VEPH1: variants seen among roughly 807,000 people sequenced by gnomAD.
VEPH1 encodes the protein ventricular zone-expressed PH domain-containing protein homolog 1.
A neutral mutation model predicts 85.2 loss-of-function variants in VEPH1; 80 were observed. The observed-to-expected ratio is 0.94, with a 90% CI of 0.78 to 1.13. The LOEUF is 1.13. Ranked by LOEUF, VEPH1 falls within the 50% of genes most tolerant of loss-of-function variation. The pLI is 0.00. For missense variants in VEPH1, 955 were observed against 980.5 expected (o/e 0.97, Z 0.35); for synonymous variants, 297 against 348.0 (o/e 0.85, Z 1.63).
At chr3:157,493,727 A>G (rs1824057) in intron 2 of VEPH1, among the ~76,000 whole-genome samples, 1,867 of 152,332 alleles carry the variant, frequency 0.012, 37 homozygotes, top group African/African-American at 0.039. Flanking sequence ...GTGGAGTTAT[A>G]TAATAGAACT....
chr3:157,262,022 C>T (rs150000278), intron 13 of VEPH1, among the ~76,000 whole-genome samples: 7 of 152,184 alleles, frequency 4.6e-5, no homozygotes, highest in African/African-American at 1.7e-4. Flanking sequence ...AGGTCTTTCA[C>T]ATGAATACAT....
chr3:157,351,058 A>T (rs1197578767), intron 9 of VEPH1, among the ~76,000 whole-genome samples: 2 of 152,220 alleles, frequency 1.3e-5, no homozygotes, highest in Non-Finnish European at 2.9e-5. Context: ...TTGAAGAGAC[A>T]TTTGCGCCCC....
chr3:157,389,980 A>C (rs1729705115), intron 6 of VEPH1, among the ~76,000 whole-genome samples: 1 of 152,174 alleles, frequency 6.6e-6, no homozygotes, highest in African/African-American at 2.4e-5. Flanking sequence ...TTAGCAAATT[A>C]CTAATCATCC....
At chr3:157,285,242 T>C (rs1194741913) in intron 12 of VEPH1, 2 of 152,258 alleles carry the variant, frequency 1.3e-5, no homozygotes, top group African/African-American at 4.8e-5. Context: ...ATTGGGGTGT[T>C]CACTCTGGCG....
chr3:157,279,974 C>T (rs528335521), intron 12 of VEPH1, among the ~76,000 whole-genome samples: 2 of 145,906 alleles, frequency 1.4e-5, no homozygotes, highest in African/African-American at 5.1e-5. Context: ...AGAGACTGTG[C>T]CACTGCACTC....
At chr3:157,416,550 T>G (rs960262071) in intron 5 of VEPH1, among the ~76,000 whole-genome samples, 1 of 152,118 alleles carries the variant, frequency 6.6e-6, no homozygotes, top group South Asian at 2.1e-4. Context: ...TTTTTAGCAA[T>G]GAAAAATGCT....
intron 4 of VEPH1, among the ~76,000 whole-genome samples, chr3:157,457,300 T>C (rs1735465934): frequency 6.6e-6 from 1 of 152,238 alleles, no homozygotes; most frequent in African/African-American, 2.4e-5. Flanking sequence ...TGGCATTTTC[T>C]AGATATAGGA....
intron 3 of VEPH1, among the ~76,000 whole-genome samples, chr3:157,470,073 C>T (rs927776251): frequency 1.3e-5 from 2 of 152,110 alleles, no homozygotes; most frequent in African/African-American, 2.4e-5. Flanking sequence ...ACTCTCCAAA[C>T]AGATTAGAGG....
At chr3:157,369,187 A>AAAAAC (rs1560001110) in intron 7 of VEPH1, among the ~76,000 whole-genome samples, 12 of 142,126 alleles carry the variant, frequency 8.4e-5, no homozygotes, top group African/African-American at 2.9e-4. Flanking sequence ...AATGAAAAAA[A>AAAAAC]AAAAAAAAAA....
intron 7 of VEPH1, among the ~76,000 whole-genome samples, chr3:157,369,886 T>C (rs1430083001): frequency 6.6e-6 from 1 of 152,148 alleles, no homozygotes; most frequent in Non-Finnish European, 1.5e-5. Context: ...TGCTGGCAGA[T>C]CCATGGGTCC....
rs569759036 is a variant in VEPH1, at chr3:157,428,617, C to T, written c.530-129G>A. 2.3e-5 allele frequency: 18 copies of T among 778,178 alleles called. No individual in the cohort carries two copies. In the Admixed American group the frequency reaches 3.8e-4, roughly 16 times the overall value. 48.2% of individuals were successfully genotyped at this position (778,178 alleles called of 1,614,324 possible). On this transcript the variant is annotated intron_variant, in intron 4 of 13. Transcript: ENST00000362010. ...CACAGACTGATGGCCAATTCTTTTG[C>T]TAAAAATAACATGGTACCTTATTCT...
chr3:157,372,776 C>T (rs1159274517), intron 7 of VEPH1, among the ~76,000 whole-genome samples: 1 of 152,044 alleles, frequency 6.6e-6, no homozygotes, highest in Non-Finnish European at 1.5e-5. Flanking sequence ...AAATAAACTA[C>T]TAGAGAAACG....
intron 2 of VEPH1, among the ~76,000 whole-genome samples, chr3:157,475,750 ACTTCT>A (rs1201956435): frequency 6.6e-6 from 1 of 152,198 alleles, no homozygotes; most frequent in East Asian, 1.9e-4. Context: ...TCAAAATTTG[ACTTCT>A]CTTATGTATA....
intron 9 of VEPH1, among the ~76,000 whole-genome samples, chr3:157,328,701 A>T (rs993777508): frequency 6.6e-6 from 1 of 152,224 alleles, no homozygotes; most frequent in Non-Finnish European, 1.5e-5. Context: ...TTTGAGGCTC[A>T]GAAGCACAGA....
At chr3:157,428,208 A>T in intron 5 of VEPH1, 114 bp downstream of exon 5, 1 of 1,177,838 alleles carries the variant, frequency 8.5e-7, no homozygotes, top group Non-Finnish European at 1.2e-6. Context: ...TTTCACTTAA[A>T]AAAATGGGCA....
At position 157,286,621 on chromosome 3, in the gene VEPH1, A is replaced by G; in HGVS notation, c.2064T>C (p.Phe688=). Residue 688 remains phenylalanine (F), a synonymous_variant, in exon 12 of 14, where the codon TTT becomes TTC. Coordinates refer to ENST00000362010, the MANE Select transcript of VEPH1 (RefSeq NM_001167912.2). Reference sequence around the variant, plus strand: ...ATGCTCCTGCTGTTTCACTGAAGCCAAACACGTCAAAGAACCTCACTTCTT... The same window carrying G: ...ATGCTCCTGCTGTTTCACTGAAGCCGAACACGTCAAAGAACCTCACTTCTT... ...HLEEVRFFDV[F]GFSETAGAWQ... is the part of the protein sequence containing the mutation. 1 of 1,614,146 alleles carries G rather than the reference A, an allele frequency of 6.2e-7. No homozygotes were observed. The highest frequency in any genetic ancestry group is 8.5e-7 in the Non-Finnish European group (1 of 1,179,982).
chr3:157,361,646 A>T (rs1255333197), intron 9 of VEPH1, among the ~76,000 whole-genome samples: 4 of 152,162 alleles, frequency 2.6e-5, no homozygotes, highest in African/African-American at 9.7e-5. Context: ...GCTGCCTAAG[A>T]ATTGTTATTG....
intron 11 of VEPH1, among the ~76,000 whole-genome samples, chr3:157,311,475 G>T (rs970582535): frequency 6.6e-6 from 1 of 151,970 alleles, no homozygotes; most frequent in African/African-American, 2.4e-5. Context: ...CAAAAAAATC[G>T]GAAAAAATCT....
intron 12 of VEPH1, among the ~76,000 whole-genome samples, chr3:157,273,246 G>A (rs1714946535): frequency 6.6e-6 from 1 of 152,176 alleles, no homozygotes; most frequent in Non-Finnish European, 1.5e-5. Context: ...ATGCCTTTAT[G>A]GTTACCATGC....
Sources: gnomAD v4.1 joint callset for allele counts (sites outside exome capture counted in the v4.1 genomes callset) on GRCh38, gnomAD v4.1.1 for gene constraint, MANE v1.5 for transcripts, NCBI Gene and HGNC (gene_info 2026-07-23, HGNC 2026-07-21) for gene names.